Variants in ABLIM2 observed in about 807,000 individuals in gnomAD.
The protein encoded by ABLIM2 is actin-binding LIM protein 2.
ABLIM2 carries 53 observed loss-of-function variants against 97.7 expected under a neutral mutation model. That is an observed-to-expected ratio of 0.54 (90% CI 0.44 to 0.68). The LOEUF is 0.68. Ranked by LOEUF, ABLIM2 falls within the 30% of genes least tolerant of loss-of-function variation. The pLI, the probability that ABLIM2 is intolerant of heterozygous loss-of-function variation, is 0.00. For missense variants in ABLIM2, 835 were observed against 867.2 expected, an observed-to-expected ratio of 0.96 and a Z score of 0.47; for synonymous variants, 361 against 345.8, an observed-to-expected ratio of 1.04 and a Z score of -0.49.
intron 12 of ABLIM2, among the ~76,000 whole-genome samples, chr4:8,025,216 C>T (rs1260264768): frequency 1.3e-5 from 2 of 152,342 alleles, no homozygotes; most frequent in East Asian, 1.9e-4. Context: ...GGGTGAGCCA[C>T]CACGCCTGGC....
chr4:8,017,586 C>T (rs1770374577), intron 14 of ABLIM2, among the ~76,000 whole-genome samples: 1 of 152,250 alleles, frequency 6.6e-6, no homozygotes, highest in Non-Finnish European at 1.5e-5. Context: ...CCACACCCGG[C>T]TTACAGCAAA....
intron 1 of ABLIM2, among the ~76,000 whole-genome samples, chr4:8,142,648 TG>T (rs928699676): frequency 2.0e-5 from 3 of 152,172 alleles, no homozygotes; most frequent in Admixed American, 6.5e-5. Context: ...CTGGCATCCT[TG>T]ATGTGTGCTC....
chr4:8,028,728 C>G (rs1427530983), intron 11 of ABLIM2, among the ~76,000 whole-genome samples: 8 of 149,740 alleles, frequency 5.3e-5, no homozygotes, highest in African/African-American at 2.0e-4. Flanking sequence ...GTCATTCATG[C>G]ACTCACTCAC....
At chr4:8,036,072 T>G in intron 10 of ABLIM2, 77 bp downstream of exon 10, 1 of 1,542,156 alleles carries the variant, frequency 6.5e-7, no homozygotes, top group Non-Finnish European at 8.8e-7. Context: ...ATAGGACACA[T>G]GCTAGGGATG....
intron 14 of ABLIM2, chr4:8,010,402 GAA>G (rs924287424): frequency 2.0e-6 from 2 of 985,798 alleles, no homozygotes; most frequent in African/African-American, 3.5e-5. Context: ...CAGGCCTCAG[GAA>G]GGACACGCCG....
chr4:7,972,904 G>A (rs999718128), intron 20 of ABLIM2, among the ~76,000 whole-genome samples: 7 of 152,118 alleles, frequency 4.6e-5, no homozygotes, highest in Non-Finnish European at 8.8e-5. Flanking sequence ...CCAGTTGGAT[G>A]AGTTTAAACA....
At chr4:8,052,177 C>T (rs1796459611) in intron 8 of ABLIM2, among the ~76,000 whole-genome samples, 1 of 152,244 alleles carries the variant, frequency 6.6e-6, no homozygotes, top group Non-Finnish European at 1.5e-5. Context: ...CATCAGGAGA[C>T]AGGGTGGTGT....
At position 7,970,186 on chromosome 4, in the gene ABLIM2, TGGTGAACTGACACGTA is replaced by T. The variant is rs971010738; in HGVS notation, c.1825-3099_1825-3084del. On this transcript the variant is annotated intron_variant, in intron 20 of 20. Transcript: ENST00000447017. The surrounding 1 kb of genome is among the most constrained non-coding windows in gnomAD (Gnocchi z 5.3). ...GGCCCCTGGCAGGGGTAGGCTGGGGTGGTGAACTGACACGTAAGTAAATATGTAAAGGAGGGGAGGC... is the reference window on the plus strand; with the variant it reads ...GGCCCCTGGCAGGGGTAGGCTGGGGTAGTAAATATGTAAAGGAGGGGAGGC... 1.3e-5 allele frequency among the ~76,000 whole-genome samples: 2 copies of T among 151,604 alleles called. No homozygotes were observed. Among genetic ancestry groups the T allele is most frequent in the Admixed American group, 1.3e-4 (2 of 15,212 alleles).
chr4:8,127,406 A>C lies in ABLIM2; in HGVS notation c.11-20769T>G. On this transcript the variant is annotated intron_variant, in intron 1 of 20. Coordinates refer to ENST00000447017, the MANE Select transcript of ABLIM2 (RefSeq NM_001130083.2). This position sits in a 1 kb window ranked among gnomAD's most constrained non-coding sequence, Gnocchi z 7.3. Reference sequence around the variant, plus strand: ...GCTCATGACCTTCACGCAGGGCACAACTTGACTGGACCCGTCCTTTCCCAC... The same window carrying C: ...GCTCATGACCTTCACGCAGGGCACACCTTGACTGGACCCGTCCTTTCCCAC... 1.8e-6 allele frequency: 2 copies of C among 1,091,900 alleles called. No homozygotes were observed. Among genetic ancestry groups the C allele is most frequent in the South Asian group, 2.9e-5 (2 of 68,118 alleles). The allele number at this position is 1,091,900 out of a possible 1,614,324, so 67.6% of individuals were successfully genotyped here.
chr4:8,107,630 A>G (rs1001688279), intron 1 of ABLIM2, among the ~76,000 whole-genome samples: 2 of 152,008 alleles, frequency 1.3e-5, no homozygotes, highest in Admixed American at 6.5e-5. Flanking sequence ...GAAGGCTCAG[A>G]CCCCAGGGCA....
rs1577166977 is a variant in ABLIM2, at chr4:8,072,360, C to T, written c.675+5268G>A. ...TGAAACCCACTTTGCTCGCCCAGTG[C>T]GGAGCGTGCCTGAGGCAGAGCAGCC... On this transcript the variant is annotated intron_variant, in intron 6 of 20. Transcript: ENST00000447017. The surrounding 1 kb of genome is among the most constrained non-coding windows in gnomAD (Gnocchi z 5.8). Among the ~76,000 whole-genome samples the T allele has an allele frequency of 6.6e-6, 1 of 152,186 alleles. No homozygotes were observed. Among genetic ancestry groups the T allele is most frequent in the South Asian group, 2.1e-4 (1 of 4,830 alleles).
At position 8,046,447 on chromosome 4, in the gene ABLIM2, A is replaced by G. The variant is rs1220345173; in HGVS notation, c.823-1206T>C. ...TATTCACCCTGTCCAAAAGAAGCCC[A>G]TATCCACAGAGGCCTCCCCAGCCCT... On this transcript the variant is annotated intron_variant, in intron 8 of 20. Transcript: ENST00000447017. The surrounding 1 kb of genome is among the most constrained non-coding windows in gnomAD (Gnocchi z 4.4). 6.6e-6 allele frequency among the ~76,000 whole-genome samples: 1 copy of G among 152,004 alleles called. No individual in the cohort carries two copies. The highest frequency in any genetic ancestry group is 1.5e-5 in the Non-Finnish European group (1 of 68,000).
At chr4:8,045,759 A>G (rs557247799) in intron 8 of ABLIM2, among the ~76,000 whole-genome samples, 2 of 152,188 alleles carry the variant, frequency 1.3e-5, no homozygotes, top group Non-Finnish European at 2.9e-5. Context: ...TCAGGCAGAC[A>G]TGGTGGGCCA....
In ABLIM2 at chr4:8,127,403, A is replaced by T; in HGVS notation, c.11-20766T>A. 1 of 1,058,232 alleles carries T rather than the reference A, an allele frequency of 9.4e-7. No homozygotes were observed. Among genetic ancestry groups the T allele is most frequent in the South Asian group, 1.5e-5 (1 of 66,940 alleles). The allele number at this position is 1,058,232 out of a possible 1,614,324, so 65.6% of individuals were successfully genotyped here. A position where few individuals can be genotyped will look rare whatever the true frequency, so the allele number is the denominator to read the frequency against. On this transcript the variant is annotated intron_variant, in intron 1 of 20. Coordinates refer to ENST00000447017, the MANE Select transcript of ABLIM2 (RefSeq NM_001130083.2). This position sits in a 1 kb window ranked among gnomAD's most constrained non-coding sequence, Gnocchi z 7.3. Reference sequence around the variant, plus strand: ...GGCGCTCATGACCTTCACGCAGGGCACAACTTGACTGGACCCGTCCTTTCC... The same window carrying T: ...GGCGCTCATGACCTTCACGCAGGGCTCAACTTGACTGGACCCGTCCTTTCC...
chr4:8,147,228 C>T lies in ABLIM2; in HGVS notation c.10+11452G>A, dbSNP rs565509287. On this transcript the variant is annotated intron_variant, in intron 1 of 20. Coordinates refer to ENST00000447017, the MANE Select transcript of ABLIM2 (RefSeq NM_001130083.2). The surrounding 1 kb of genome is among the most constrained non-coding windows in gnomAD (Gnocchi z 5.3). ...ACAGTCTGTGACAGGATCTAACTCC[C>T]GGGACGTTTAAATTTAGCGAGTAAC... Among the ~76,000 whole-genome samples the T allele has an allele frequency of 3.3e-5, 5 of 152,142 alleles. No homozygotes were observed. Among genetic ancestry groups the T allele is most frequent in the East Asian group, 1.9e-4 (1 of 5,196 alleles).
At chr4:8,025,044 C>G (rs572391034) in intron 12 of ABLIM2, among the ~76,000 whole-genome samples, 122 of 152,352 alleles carry the variant, frequency 8.0e-4, no homozygotes, top group South Asian at 5.2e-3. Flanking sequence ...ATCCTCCCGC[C>G]TCAGCCTCCC....
chr4:8,081,825 A>G (rs570336843), intron 4 of ABLIM2, among the ~76,000 whole-genome samples: 32 of 152,290 alleles, frequency 2.1e-4, no homozygotes, highest in African/African-American at 7.7e-4. Context: ...AGCAACTGGG[A>G]CGGAGCAGGG....
At chr4:8,084,880 G>A (rs1214392651) in intron 4 of ABLIM2, among the ~76,000 whole-genome samples, 1 of 152,206 alleles carries the variant, frequency 6.6e-6, no homozygotes, top group Non-Finnish European at 1.5e-5. Flanking sequence ...GGGTATCTGG[G>A]CTCAGAGCTG....
intron 6 of ABLIM2, among the ~76,000 whole-genome samples, chr4:8,073,391 G>A (rs566189803): frequency 2.0e-5 from 3 of 151,876 alleles, no homozygotes; most frequent in African/African-American, 4.8e-5. Context: ...CAGTGTGGAA[G>A]GTCTGGGCTG....
Sources: allele counts gnomAD v4.1 joint callset (sites outside exome capture counted in the v4.1 genomes callset), GRCh38; gene constraint gnomAD v4.1.1; non-coding constraint Gnocchi (gnomAD v3.1); transcripts MANE v1.5; gene names NCBI Gene and HGNC (gene_info 2026-07-23, HGNC 2026-07-21).